The following AGAP6 variants were observed in gnomAD, a reference collection of about 807,000 sequenced individuals.
The protein encoded by AGAP6 is arf-GAP with GTPase, ANK repeat and PH domain-containing protein 6.
In AGAP6, 29 loss-of-function variants were observed where a neutral mutation model predicts 63.9. The observed-to-expected ratio is 0.45, with a 90% confidence interval of 0.34 to 0.62. The LOEUF (loss-of-function observed/expected upper bound fraction) is 0.62, where lower values mean the gene tolerates loss of function less well. Among genes scored for constraint, AGAP6 ranks in the 20% least tolerant of loss-of-function variants. The pLI is 0.01. For missense variants in AGAP6, 493 were observed against 884.9 expected, an observed-to-expected ratio of 0.56 and a Z score of 5.62; for synonymous variants, 199 against 332.9, an observed-to-expected ratio of 0.60 and a Z score of 4.38.
intron 1 of AGAP6, 118 bp downstream of exon 1, chr10:49,989,056 G>A (rs1407160927): frequency 2.2e-5 from 35 of 1,587,382 alleles, no homozygotes; most frequent in Middle Eastern, 2.3e-4. Flanking sequence ...CAGCTTTCCC[G>A]GGGGCTGGCC....
rs539556450 is a variant in AGAP6 at position 50,009,078 on chromosome 10, G to A, written c.953G>A (p.Ser318Asn). ...CSNGMLTYYS[S>N]LGDYMKNIHK... Reference sequence around the variant, plus strand: ...AATGGCATGCTCACCTATTATTCAAGCTTAGGTGATTATATGAAGAATATT... The same window carrying A: ...AATGGCATGCTCACCTATTATTCAAACTTAGGTGATTATATGAAGAATATT... The change falls in exon 8 of 8, where the codon AGC (serine) becomes AAC (asparagine). Residue 318 changes from serine (S) to asparagine (N), a missense_variant. Coordinates refer to ENST00000412531, the MANE Select transcript of AGAP6 (RefSeq NM_001077665.3). 2 of 1,613,578 alleles carry A rather than the reference G, an allele frequency of 1.2e-6. No homozygotes were observed. The highest frequency in any genetic ancestry group is 4.5e-5 in the East Asian group (2 of 44,882).
chr10:50,006,091 A>C, intron 6 of AGAP6, among the ~76,000 whole-genome samples: 1 of 151,994 alleles, frequency 6.6e-6, no homozygotes. Flanking sequence ...CATATTAATA[A>C]ATTTATTCCA....
At chr10:49,992,488 T>G (rs1241835817) in intron 3 of AGAP6, among the ~76,000 whole-genome samples, 4 of 152,182 alleles carry the variant, frequency 2.6e-5, no homozygotes, top group Non-Finnish European at 5.9e-5. Context: ...TTTTTATAGT[T>G]TGAGTAGACT....
intron 1 of AGAP6, 46 bp from the exon 2 acceptor site, chr10:49,989,262 T>C: frequency 6.3e-7 from 1 of 1,595,128 alleles, no homozygotes; most frequent in Non-Finnish European, 8.5e-7. Context: ...TGATAAATTT[T>C]TATAAATGAT....
Position 50,009,271 on chromosome 10 carries a change from C to G in AGAP6, c.1146C>G (p.Ser382=), listed in dbSNP as rs782477493. 4.3e-5 allele frequency: 70 copies of G among 1,614,092 alleles called. No homozygotes were observed. Among genetic ancestry groups the G allele is most frequent in the Non-Finnish European group, 5.7e-5 (67 of 1,180,044 alleles). The change falls in exon 8 of 8, where the codon TCC becomes TCG. Residue 382 remains serine, a synonymous_variant. Coordinates refer to ENST00000412531, the MANE Select transcript of AGAP6 (RefSeq NM_001077665.3). ...GDSICFSPSI[S]STTSPKLNPP... is the part of the protein sequence containing the mutation. ...CCATATGCTTCAGCCCCAGTATCTC[C>G]AGCACCACCAGCCCCAAGCTCAACC...
intron 4 of AGAP6, among the ~76,000 whole-genome samples, chr10:49,995,922 G>A (rs1351316640): frequency 6.6e-6 from 1 of 152,128 alleles, no homozygotes; most frequent in Non-Finnish European, 1.5e-5. Context: ...TTAGTTATCT[G>A]CGGAAGCTTT....
intron 4 of AGAP6, among the ~76,000 whole-genome samples, chr10:50,001,254 C>T (rs1589097706): frequency 6.7e-6 from 1 of 150,088 alleles, no homozygotes; most frequent in Non-Finnish European, 1.5e-5. Flanking sequence ...GGCGTGAACC[C>T]GGGAGGCGGA....
At chr10:49,997,374 C>T (rs1261934581) in intron 4 of AGAP6, among the ~76,000 whole-genome samples, 1 of 152,158 alleles carries the variant, frequency 6.6e-6, no homozygotes, top group African/African-American at 2.4e-5. Context: ...TGGCATGCGC[C>T]TTTCGTATTA....
chr10:50,009,700 A>C lies in AGAP6; in HGVS notation c.1575A>C (p.Pro525=), dbSNP rs1554865283. ...GATCTCTGGAGCTGGATGACTGGCCAGTTGAGCTCAGGAAGGTTATGTCAT... is the reference window on the plus strand; with the variant it reads ...GATCTCTGGAGCTGGATGACTGGCCCGTTGAGCTCAGGAAGGTTATGTCAT... ...RVRSLELDDW[P]VELRKVMSSI... is the part of the protein sequence containing the mutation. Residue 525 remains proline (P), a synonymous_variant, in exon 8 of 8, where the codon CCA becomes CCC. Coordinates refer to ENST00000412531, the MANE Select transcript of AGAP6 (RefSeq NM_001077665.3). The C allele has an allele frequency of 6.2e-7, 1 of 1,614,124 alleles. No individual in the cohort carries two copies. The highest frequency in any genetic ancestry group is 2.2e-5 in the East Asian group (1 of 44,892).
At chr10:49,993,330 CCTCA>C (rs1554861399) in intron 3 of AGAP6, among the ~76,000 whole-genome samples, 1 of 152,162 alleles carries the variant, frequency 6.6e-6, no homozygotes, top group African/African-American at 2.4e-5. Flanking sequence ...ATTCCATGTC[CCTCA>C]CTCTTCAGTG....
intron 6 of AGAP6, among the ~76,000 whole-genome samples, chr10:50,005,486 C>T (rs1421723083): frequency 1.3e-5 from 2 of 152,144 alleles, no homozygotes; most frequent in Non-Finnish European, 2.9e-5. Context: ...TGGCACGCAC[C>T]TGTAGTCCCA....
chr10:49,998,722 T>C (rs1841587466), intron 4 of AGAP6, among the ~76,000 whole-genome samples: 1 of 142,268 alleles, frequency 7.0e-6, no homozygotes, highest in Non-Finnish European at 1.5e-5. Flanking sequence ...CATATAAATT[T>C]CAGGATTGTT....
intron 7 of AGAP6, among the ~76,000 whole-genome samples, chr10:50,008,294 G>A (rs1399305036): frequency 4.5e-4 from 62 of 138,290 alleles, no homozygotes; most frequent in African/African-American, 1.7e-3. Flanking sequence ...AACAGAAGAT[G>A]TATCTTTTTT....
intron 4 of AGAP6, among the ~76,000 whole-genome samples, chr10:49,999,239 C>CAA (rs1232519812): frequency 1.7e-5 from 2 of 116,308 alleles, no homozygotes; most frequent in Admixed American, 2.0e-4. Context: ...GACTCCATCT[C>CAA]AAAAAAAAAA....
chr10:49,998,876 C>T lies in AGAP6; in HGVS notation c.397-3120C>T, dbSNP rs1324196770. 5.8e-5 allele frequency among the ~76,000 whole-genome samples: 8 copies of T among 138,978 alleles called. 1 individual carries two copies. In the East Asian group the frequency reaches 1.9e-3, roughly 33 times the overall value. 91.2% of individuals were successfully genotyped at this position (138,978 alleles called of 152,430 possible). A position where few individuals can be genotyped will look rare whatever the true frequency, so the allele number is the denominator to read the frequency against. ...GGGTGTCTTTCCATTTGTTTGTGTC[C>T]ATGACTTCATTCAGCAACGTTTTGT... is the stretch of plus-strand genomic sequence containing the variant. On this transcript the variant is annotated intron_variant, in intron 4 of 7. Coordinates refer to ENST00000412531, the MANE Select transcript of AGAP6 (RefSeq NM_001077665.3).
Position 49,994,369 on chromosome 10 carries a change from G to C in AGAP6, c.362-26G>C, listed in dbSNP as rs782046292. On this transcript the variant is annotated intron_variant, in intron 3 of 7. Transcript: ENST00000412531. Reference sequence around the variant, plus strand: ...ATTTTATGGTATTTGTATCAGAAGTGACCAGTTTTTTTTTTTTATTCTTAG... The same window carrying C: ...ATTTTATGGTATTTGTATCAGAAGTCACCAGTTTTTTTTTTTTATTCTTAG... 20 of 1,527,228 alleles carry C rather than the reference G, an allele frequency of 1.3e-5. No homozygotes were observed. The African/African-American group carries it at 2.5e-4, about 19-fold the overall frequency. The allele number at this position is 1,527,228 out of a possible 1,614,324, so 94.6% of individuals were successfully genotyped here.
chr10:49,996,683 A>G (rs1252285512), intron 4 of AGAP6, among the ~76,000 whole-genome samples: 1 of 148,448 alleles, frequency 6.7e-6, no homozygotes, highest in Non-Finnish European at 1.5e-5. Context: ...TTCTTGTCAG[A>G]TGGAAGGACA....
In AGAP6 at chr10:50,008,780, C is replaced by T; in HGVS notation, c.655C>T (p.Pro219Ser). ...TTTAAATAACTATTCCTCCTCCATTCCATCGACTCCCAGCACCAGCCAGGA... is the reference window on the plus strand; with the variant it reads ...TTTAAATAACTATTCCTCCTCCATTTCATCGACTCCCAGCACCAGCCAGGA... Reference protein sequence around the residue: ...GSLNNYSSSIPSTPSTSQEDP... With the variant: ...GSLNNYSSSISSTPSTSQEDP... The change falls in exon 8 of 8, where the codon CCA becomes TCA. Residue 219 changes from proline to serine, a missense_variant. Physicochemically the swap from Pro to Ser is moderately conservative, Grantham distance 74. This residue lies in a region of AGAP6 where 342 missense variants were observed against 533.4 expected (regional missense o/e 0.64). Transcript: ENST00000412531. 1 of 1,614,158 alleles carries T rather than the reference C, an allele frequency of 6.2e-7. No individual in the cohort carries two copies. Among genetic ancestry groups the T allele is most frequent in the South Asian group, 1.1e-5 (1 of 91,086 alleles).
intron 4 of AGAP6, among the ~76,000 whole-genome samples, chr10:49,996,218 G>T (rs4043238): frequency 6.6e-6 from 1 of 151,790 alleles, no homozygotes; most frequent in Non-Finnish European, 1.5e-5. Flanking sequence ...ATTGAATTTT[G>T]TAATTTTTGG....
Sources: allele counts gnomAD v4.1 joint callset (sites outside exome capture counted in the v4.1 genomes callset), GRCh38; gene constraint gnomAD v4.1.1; regional missense constraint gnomAD v4.1.1; transcripts MANE v1.5; gene names NCBI Gene and HGNC (gene_info 2026-07-23, HGNC 2026-07-21).